CSMD1: variants seen among roughly 807,000 people sequenced by gnomAD.
CSMD1 encodes CUB and Sushi multiple domains 1.
Under a neutral mutation model 417.5 loss-of-function variants are expected in CSMD1, and 213 were observed. The observed-to-expected ratio is 0.51, with a 90% CI of 0.46 to 0.57. The LOEUF is 0.57. Among genes scored for constraint, CSMD1 ranks in the 20% least tolerant of loss-of-function variants. The pLI is 0.00. For synonymous variants in CSMD1, 2,862 were observed against 1,736.8 expected (o/e 1.65, Z -16.11); for missense variants, 6,923 against 4,529.7 (o/e 1.53, Z -15.17).
chr8:3,963,889 G>A (rs1445618060), intron 5 of CSMD1, among the ~76,000 whole-genome samples: 3 of 152,180 alleles, frequency 2.0e-5, no homozygotes, highest in Admixed American at 6.5e-5. Context: ...ACTGACACTC[G>A]GAAGAATTTC....
At chr8:4,072,830 C>T (rs555292234) in intron 3 of CSMD1, among the ~76,000 whole-genome samples, 12 of 152,252 alleles carry the variant, frequency 7.9e-5, no homozygotes, top group Middle Eastern at 3.4e-3. Flanking sequence ...GCCCAAAAGC[C>T]GTCTTTTCCA....
At chr8:4,696,132 G>C (rs756762340) in intron 1 of CSMD1, among the ~76,000 whole-genome samples, 3 of 152,150 alleles carry the variant, frequency 2.0e-5, no homozygotes, top group Non-Finnish European at 4.4e-5. Flanking sequence ...AGAATTCAGA[G>C]AACAGTTTTT....
intron 1 of CSMD1, among the ~76,000 whole-genome samples, chr8:4,943,275 C>T (rs1028403547): frequency 1.3e-5 from 2 of 152,028 alleles, no homozygotes; most frequent in Admixed American, 6.6e-5. Context: ...GCGGGCAGAT[C>T]ACGAGGTCAG....
At chr8:4,948,436 TGTTCTTTCTA>T (rs1808512395) in intron 1 of CSMD1, among the ~76,000 whole-genome samples, 1 of 150,522 alleles carries the variant, frequency 6.6e-6, no homozygotes, top group African/African-American at 2.4e-5. Flanking sequence ...ATTCCTGATT[TGTTCTTTCTA>T]TTTCTTTCTT....
Position 3,408,184 on chromosome 8 carries a change from G to A in CSMD1, c.1786C>T (p.Leu596=), listed in dbSNP as rs1371716153. 1.9e-6 allele frequency: 3 copies of A among 1,611,478 alleles called. No homozygotes were observed. Among genetic ancestry groups the A allele is most frequent in the African/African-American group, 1.3e-5 (1 of 74,850 alleles). Residue 596 remains leucine (L), a synonymous_variant, in exon 14 of 70, where the codon CTG becomes TTG. Transcript: ENST00000635120. ...FNFTASSGII[L]SPNYPEEYGN... Reference sequence around the variant, plus strand: ...TATTCCTCTGGATAATTTGGTGACAGAATAATCCCAGATGATGCCGTAAAG... The same window carrying A: ...TATTCCTCTGGATAATTTGGTGACAAAATAATCCCAGATGATGCCGTAAAG...
At chr8:4,220,041 T>G (rs992561738) in intron 3 of CSMD1, among the ~76,000 whole-genome samples, 1 of 152,094 alleles carries the variant, frequency 6.6e-6, no homozygotes, top group Non-Finnish European at 1.5e-5. Flanking sequence ...CCTCTGCCTC[T>G]CAGGTTTAAG....
chr8:3,582,884 ACCTTT>A (rs1800442237), intron 9 of CSMD1, among the ~76,000 whole-genome samples: 1 of 152,178 alleles, frequency 6.6e-6, no homozygotes, highest in Non-Finnish European at 1.5e-5. Flanking sequence ...ATAAACACAT[ACCTTT>A]CCCAGTTACT....
intron 1 of CSMD1, among the ~76,000 whole-genome samples, chr8:4,788,909 A>T (rs1797551080): frequency 6.6e-6 from 1 of 152,130 alleles, no homozygotes; most frequent in South Asian, 2.1e-4. Flanking sequence ...CAGGTGTTGG[A>T]GGTTGGCAGC....
intron 7 of CSMD1, among the ~76,000 whole-genome samples, chr8:3,673,910 C>A (rs919371351): frequency 1.3e-5 from 2 of 152,050 alleles, no homozygotes; most frequent in East Asian, 3.9e-4. Context: ...TTGAGCTCAG[C>A]AGTTTCAGAC....
intron 1 of CSMD1, among the ~76,000 whole-genome samples, chr8:4,878,745 A>G (rs1203793640): frequency 1.3e-5 from 2 of 151,914 alleles, no homozygotes; most frequent in East Asian, 3.9e-4. Context: ...TGTGTAGAAA[A>G]CATTCACAGT....
chr8:4,181,525 T>A (rs1798375469), intron 3 of CSMD1, among the ~76,000 whole-genome samples: 1 of 152,118 alleles, frequency 6.6e-6, no homozygotes, highest in Non-Finnish European at 1.5e-5. Flanking sequence ...AACCTTACAA[T>A]ATTTTAAGAA....
chr8:3,087,401 G>C (rs557521115), intron 48 of CSMD1, 116 bp from the exon 49 acceptor site: 1 of 1,055,976 alleles, frequency 9.5e-7, no homozygotes, highest in East Asian at 2.4e-5. Flanking sequence ...GGTAGGAAAT[G>C]AGCACCAGTA....
chr8:4,044,848 T>G (rs527513155), intron 3 of CSMD1, among the ~76,000 whole-genome samples: 3 of 152,222 alleles, frequency 2.0e-5, no homozygotes, highest in African/African-American at 7.2e-5. Context: ...GCTTGTACCA[T>G]GCTGGGGACT....
intron 2 of CSMD1, among the ~76,000 whole-genome samples, chr8:4,601,235 C>A (rs766654527): frequency 6.6e-6 from 1 of 152,120 alleles, no homozygotes; most frequent in East Asian, 1.9e-4. Context: ...GGATTACAGG[C>A]GTGAGCCACC....
chr8:4,770,725 T>A (rs200452988), intron 1 of CSMD1, among the ~76,000 whole-genome samples: 1 of 56,036 alleles, frequency 1.8e-5, no homozygotes, highest in Admixed American at 3.2e-4. Context: ...AATAATCTTG[T>A]CAAAAAATGG....
chr8:4,474,390 G>A (rs1800689397), intron 2 of CSMD1, among the ~76,000 whole-genome samples: 1 of 152,116 alleles, frequency 6.6e-6, no homozygotes, highest in South Asian at 2.1e-4. Flanking sequence ...AATAAGAGGA[G>A]GACAGAGAAT....
intron 2 of CSMD1, among the ~76,000 whole-genome samples, chr8:4,625,456 G>C (rs899147232): frequency 6.6e-6 from 1 of 151,830 alleles, no homozygotes; most frequent in African/African-American, 2.4e-5. Context: ...CTACATTTAT[G>C]AGCACAATCA....
At chr8:3,190,203 G>A in intron 33 of CSMD1, 88 bp from the exon 34 acceptor site, 3 of 985,196 alleles carry the variant, frequency 3.0e-6, no homozygotes, top group East Asian at 2.6e-5. Context: ...ATGGGACCAA[G>A]GAGAGCTGAT....
At chr8:4,794,972 G>C (rs777570428) in intron 1 of CSMD1, among the ~76,000 whole-genome samples, 1 of 148,756 alleles carries the variant, frequency 6.7e-6, no homozygotes, top group Admixed American at 6.7e-5. Context: ...AGTAAAGCCA[G>C]AGAAGAGAAA....
Sources: allele counts gnomAD v4.1 joint callset (sites outside exome capture counted in the v4.1 genomes callset), GRCh38; gene constraint gnomAD v4.1.1; transcripts MANE v1.5; gene names NCBI Gene and HGNC (gene_info 2026-07-23, HGNC 2026-07-21).